HECTD4: variants seen among roughly 807,000 people sequenced by gnomAD.
HECTD4 encodes probable E3 ubiquitin-protein ligase HECTD4.
Under a neutral mutation model 471.5 loss-of-function variants are expected in HECTD4, and 114 were observed. The ratio of observed to expected loss-of-function variants is 0.24; its 90% CI spans 0.21 to 0.28. The LOEUF (loss-of-function observed/expected upper bound fraction) is 0.28. Among genes scored for constraint, HECTD4 ranks in the 10% least tolerant of loss-of-function variants. The pLI, the probability that HECTD4 is intolerant of heterozygous loss-of-function variation, is 1.00. For missense variants in HECTD4, 3,866 were observed against 5,651.5 expected (o/e 0.68, Z 10.13); for synonymous variants, 2,012 against 2,256.0 (o/e 0.89, Z 3.07).
chr12:112,326,530 T>A (rs151298844), intron 1 of HECTD4, among the ~76,000 whole-genome samples: 1 of 152,152 alleles, frequency 6.6e-6, no homozygotes, highest in East Asian at 1.9e-4. Context: ...AGATGATCAA[T>A]CAGATCATTT....
rs1436352881 is a variant in HECTD4 at position 112,235,718 on chromosome 12, A to G, written c.5511T>C (p.Leu1837=). 1.2e-6 allele frequency: 2 copies of G among 1,613,866 alleles called. No individual in the cohort carries two copies. The highest frequency in any genetic ancestry group is 2.7e-5 in the African/African-American group (2 of 74,924). Residue 1837 remains leucine (L), a synonymous_variant, in exon 36 of 76, where the codon CTT becomes CTC. Coordinates refer to ENST00000682272, the MANE Select transcript of HECTD4 (RefSeq NM_001388303.1). The surrounding 1 kb of genome is among the most constrained non-coding windows in gnomAD (Gnocchi z 5.0). ...CTAGCTTTGGAGACGGGCGTTGGTC[A>G]AGCAGCAGGGAGAGGAGTTTGGACA... ...ACVSKLLSLL[L]DQRPSPKLVL...
chr12:112,302,707 T>G, intron 7 of HECTD4: 1 of 439,518 alleles, frequency 2.3e-6, no homozygotes, highest in Non-Finnish European at 4.0e-6. Context: ...TTTTTTAACT[T>G]TTTCTCATTT....
At chr12:112,225,620 C>CA (rs781152688) in intron 44 of HECTD4, among the ~76,000 whole-genome samples, 2,352 of 56,106 alleles carry the variant, frequency 0.042, 24 homozygotes, top group Non-Finnish European at 0.05. Context: ...AATTGTAAGG[C>CA]AAAAAAAAAA....
Position 112,170,959 on chromosome 12 carries a change from G to A in HECTD4, c.11932+158C>T, listed in dbSNP as rs1204773195. The stretch of plus-strand genomic sequence containing the variant: ...AAAGTAACTTCCCTTGGGTGGGCCT[G>A]TTGCTCCAGAGGAGCCCTGCCTGCT... On this transcript the variant is annotated intron_variant, in intron 68 of 75. Coordinates refer to ENST00000682272, the MANE Select transcript of HECTD4 (RefSeq NM_001388303.1). 1.9e-5 allele frequency: 11 copies of A among 576,962 alleles called. No homozygotes were observed. The African/African-American group carries it at 2.1e-4, about 11-fold the overall frequency. The allele number at this position is 576,962 out of a possible 1,614,324, so 35.7% of individuals were successfully genotyped here.
Position 112,179,536 on chromosome 12 carries a change from C to A in HECTD4, c.10988-139G>T. The stretch of plus-strand genomic sequence containing the variant: ...GGAAGGAAGAGCTGCCCACCAAAGC[C>A]TGGCTCCCTCCCTGGGCACAGCCCA... On this transcript the variant is annotated intron_variant, in intron 62 of 75. Coordinates refer to ENST00000682272, the MANE Select transcript of HECTD4 (RefSeq NM_001388303.1). The surrounding 1 kb of genome is among the most constrained non-coding windows in gnomAD (Gnocchi z 4.3). 1 of 797,526 alleles carries A rather than the reference C, an allele frequency of 1.3e-6. No homozygotes were observed. The highest frequency in any genetic ancestry group is 2.7e-5 in the East Asian group (1 of 37,462). 49.4% of individuals were successfully genotyped at this position (797,526 alleles called of 1,614,324 possible). A position where few individuals can be genotyped will look rare whatever the true frequency, so the allele number is the denominator to read the frequency against.
chr12:112,332,990 G>A (rs2035873932), intron 1 of HECTD4, among the ~76,000 whole-genome samples: 4 of 152,074 alleles, frequency 2.6e-5, no homozygotes, highest in South Asian at 4.1e-4. Context: ...CTTTCTCTCA[G>A]TATACTGTTT....
intron 67 of HECTD4, among the ~76,000 whole-genome samples, chr12:112,171,835 A>T (rs917158410): frequency 6.6e-6 from 1 of 152,228 alleles, no homozygotes; most frequent in African/African-American, 2.4e-5. Context: ...GGACGAGTGT[A>T]ATGAACTGCT....
intron 1 of HECTD4, among the ~76,000 whole-genome samples, chr12:112,380,317 T>C (rs982347148): frequency 1.1e-4 from 17 of 151,966 alleles, no homozygotes; most frequent in Admixed American, 4.6e-4. Flanking sequence ...TGGTGGCGCG[T>C]GCCTGTAATC....
chr12:112,208,621 C>T lies in HECTD4; in HGVS notation c.7877G>A (p.Ser2626Asn). 1.3e-6 allele frequency: 2 copies of T among 1,580,176 alleles called. No homozygotes were observed. Among genetic ancestry groups the T allele is most frequent in the African/African-American group, 1.4e-5 (1 of 73,484 alleles). The change falls in exon 51 of 76, where the codon AGT (serine) becomes AAT (asparagine). Residue 2626 changes from serine to asparagine, a missense_variant. Around this residue, in one of 16 missense-constraint regions of HECTD4, gnomAD observed 266 missense variants for 441.6 expected, o/e 0.60. Coordinates refer to ENST00000682272, the MANE Select transcript of HECTD4 (RefSeq NM_001388303.1). Reference sequence around the variant, plus strand: ...GACTTTATAATGACAGGAGGTGTCACTATCATATTCTGTAACAGAGCACAA... The same window carrying T: ...GACTTTATAATGACAGGAGGTGTCATTATCATATTCTGTAACAGAGCACAA... ...AVATAQQQYD[S>N]DTSCHYKVEL...
chr12:112,304,406 C>T (rs1292200071), intron 7 of HECTD4, among the ~76,000 whole-genome samples: 2 of 152,012 alleles, frequency 1.3e-5, no homozygotes, highest in African/African-American at 2.4e-5. Flanking sequence ...ACTACAGGCA[C>T]ATGCCACAAC....
chr12:112,315,611 T>C (rs540218712), intron 2 of HECTD4, among the ~76,000 whole-genome samples: 2 of 152,296 alleles, frequency 1.3e-5, no homozygotes, highest in East Asian at 1.9e-4. Context: ...ACAGGGACAC[T>C]TTCCTGGGGA....
intron 23 of HECTD4, among the ~76,000 whole-genome samples, chr12:112,251,651 G>A (rs945735487): frequency 6.6e-6 from 1 of 152,220 alleles, no homozygotes; most frequent in Admixed American, 6.5e-5. Context: ...AGCAGTTAAT[G>A]CCACTCTGGA....
At chr12:112,215,066 T>C (rs377658696) in intron 48 of HECTD4, among the ~76,000 whole-genome samples, 3 of 152,096 alleles carry the variant, frequency 2.0e-5, no homozygotes, top group Non-Finnish European at 4.4e-5. Flanking sequence ...GGCAGGAGAA[T>C]TGCTTGAGCC....
intron 44 of HECTD4, 183 bp downstream of exon 44, chr12:112,226,460 G>A: frequency 2.2e-6 from 1 of 454,492 alleles, no homozygotes; most frequent in Non-Finnish European, 3.9e-6. Context: ...AACTGGTGTA[G>A]ATTAAAAGCT....
Position 112,381,344 on chromosome 12 carries a change from T to A in HECTD4, c.177+608A>T, listed in dbSNP as rs2036883332. Among the ~76,000 whole-genome samples, 1 of 151,550 alleles carries A rather than the reference T, an allele frequency of 6.6e-6. No individual in the cohort carries two copies. The highest frequency in any genetic ancestry group is 1.5e-5 in the Non-Finnish European group (1 of 67,924). ...GAGTGCATGGAGGGCCGCTGGAGCA[T>A]CCCTCTCGCTGTCCACAGCGCCCGC... On this transcript the variant is annotated intron_variant, in intron 1 of 75. Coordinates refer to ENST00000682272, the MANE Select transcript of HECTD4 (RefSeq NM_001388303.1). This position sits in a 1 kb window ranked among gnomAD's most constrained non-coding sequence, Gnocchi z 4.1.
chr12:112,357,734 A>G (rs1271263128), intron 1 of HECTD4, among the ~76,000 whole-genome samples: 1 of 152,224 alleles, frequency 6.6e-6, no homozygotes, highest in East Asian at 1.9e-4. Flanking sequence ...AGACTCCTAG[A>G]TTCATTATTT....
chr12:112,193,051 G>A lies in HECTD4; in HGVS notation c.9086+10C>T. 1 of 1,613,978 alleles carries A rather than the reference G, an allele frequency of 6.2e-7. No individual in the cohort carries two copies. Among genetic ancestry groups the A allele is most frequent in the Non-Finnish European group, 8.5e-7 (1 of 1,179,874 alleles). On this transcript the variant is annotated intron_variant, in intron 58 of 75. Transcript: ENST00000682272. The surrounding 1 kb of genome is among the most constrained non-coding windows in gnomAD (Gnocchi z 5.2). ...CCCCATCACCATCTTCTTGAGAACA[G>A]GCAACTTACTCTTTGCGGAATCCAG...
Position 112,256,379 on chromosome 12 carries a change from C to T in HECTD4, c.3268G>A (p.Ala1090Thr). 6.2e-7 allele frequency: 1 copy of T among 1,612,266 alleles called. No homozygotes were observed. The highest frequency in any genetic ancestry group is 1.1e-5 in the South Asian group (1 of 90,578). Residue 1090 changes from alanine to threonine, a missense_variant, in exon 21 of 76, where the codon GCT becomes ACT. Ala to Thr is a moderately conservative substitution (Grantham distance 58, BLOSUM62 0). Transcript: ENST00000682272. ...TCAAATCTAAGGTACAGGCAGCGAG[C>T]TCCTGGGATATGGACCGTTTCTTTA... is the stretch of plus-strand genomic sequence containing the variant. The part of the protein sequence containing the change: ...KFKETVHIPG[A>T]RCLYLRFDSR...
rs911706955 is a variant in HECTD4, at chr12:112,213,798, G to C, written c.7466-1148C>G. Among the ~76,000 whole-genome samples the C allele has an allele frequency of 1.3e-5, 2 of 151,132 alleles. No individual in the cohort carries two copies. Among genetic ancestry groups the C allele is most frequent in the Non-Finnish European group, 2.9e-5 (2 of 67,848 alleles). ...GCATTTTGGGAGGCCAAGGTGGGAA[G>C]ATTGCTTGAGCCCAGGAGTTCAAGA... On this transcript the variant is annotated intron_variant, in intron 48 of 75. Transcript: ENST00000682272. This position sits in a 1 kb window ranked among gnomAD's most constrained non-coding sequence, Gnocchi z 4.0.
Sources: gnomAD v4.1 joint callset for allele counts (sites outside exome capture counted in the v4.1 genomes callset) on GRCh38, gnomAD v4.1.1 for gene constraint, gnomAD v4.1.1 regional missense constraint, Gnocchi (gnomAD v3.1) non-coding constraint, MANE v1.5 for transcripts, NCBI Gene and HGNC (gene_info 2026-07-23, HGNC 2026-07-21) for gene names.